MARK4: variants seen among roughly 807,000 people sequenced by gnomAD.
The protein encoded by MARK4 is microtubule affinity regulating kinase 4.
A neutral mutation model predicts 81.5 loss-of-function variants in MARK4; 19 were observed. That is an observed-to-expected ratio of 0.23 (90% CI 0.16 to 0.34). MARK4 has a LOEUF of 0.34. Among genes scored for constraint, MARK4 ranks in the 10% least tolerant of loss-of-function variants. The pLI is 1.00. For synonymous variants in MARK4, 436 were observed against 439.0 expected, an observed-to-expected ratio of 0.99 and a Z score of 0.08; for missense variants, 772 against 1,058.8, an observed-to-expected ratio of 0.73 and a Z score of 3.76.
At chr19:45,298,074 CTCGTT>C in intron 15 of MARK4, 120 bp downstream of exon 15, 2 of 1,490,396 alleles carry the variant, frequency 1.3e-6, no homozygotes, top group Non-Finnish European at 1.9e-6. Flanking sequence ...CCTCCTCCTC[CTCGTT>C]TCCTCCTCCT....
intron 1 of MARK4, among the ~76,000 whole-genome samples, chr19:45,251,931 C>T (rs541137286): frequency 3.3e-5 from 5 of 151,920 alleles, no homozygotes; most frequent in Admixed American, 2.6e-4. Context: ...TTCCAGGAGC[C>T]CCTCCCTTCT....
chr19:45,301,835 A>C (rs1210694858), intron 16 of MARK4, among the ~76,000 whole-genome samples: 1 of 149,548 alleles, frequency 6.7e-6, no homozygotes, highest in Non-Finnish European at 1.5e-5. Flanking sequence ...ATTGCACTCC[A>C]GCCTGGGTAA....
chr19:45,285,536 C>T (rs529029439), intron 12 of MARK4, among the ~76,000 whole-genome samples: 1 of 152,234 alleles, frequency 6.6e-6, no homozygotes, highest in Admixed American at 6.5e-5. Flanking sequence ...GCCCTACCCC[C>T]ACCATTGCTG....
At chr19:45,261,270 G>C (rs1193994344) in intron 2 of MARK4, among the ~76,000 whole-genome samples, 8 of 152,130 alleles carry the variant, frequency 5.3e-5, no homozygotes, top group Admixed American at 5.2e-4. Context: ...AAAATTACAG[G>C]CCAATCTGGT....
At chr19:45,270,556 AATAGTGATATTAC>A (rs1327972082) in intron 7 of MARK4, among the ~76,000 whole-genome samples, 1 of 152,164 alleles carries the variant, frequency 6.6e-6, no homozygotes, top group Non-Finnish European at 1.5e-5. Flanking sequence ...CACATGGGGT[AATAGTGATATTAC>A]ATAGTACTCG....
At chr19:45,270,036 C>G (rs1440325132) in intron 7 of MARK4, among the ~76,000 whole-genome samples, 2 of 152,074 alleles carry the variant, frequency 1.3e-5, no homozygotes, top group African/African-American at 4.8e-5. Context: ...CCATGTTGCC[C>G]AAGCTAGTCT....
chr19:45,268,327 C>T (rs995705123), intron 7 of MARK4, among the ~76,000 whole-genome samples: 2 of 151,654 alleles, frequency 1.3e-5, no homozygotes, highest in African/African-American at 4.8e-5. Flanking sequence ...TGGCTCTCAC[C>T]TGTCCCAGCA....
chr19:45,287,507 A>C lies in MARK4; in HGVS notation c.1337A>C (p.Glu446Ala). The C allele has an allele frequency of 6.5e-7, 1 of 1,543,312 alleles. No homozygotes were observed. Among genetic ancestry groups the C allele is most frequent in the Non-Finnish European group, 8.8e-7 (1 of 1,141,558 alleles). ...AGCCCGACGAGCACGGGGGAGGCGG[A>C]GCTGAAGGAGGAGCGGCTGCCAGGC... Reference protein sequence around the residue: ...KRSPTSTGEAELKEERLPGRK... With the variant: ...KRSPTSTGEAALKEERLPGRK... The change falls in exon 13 of 17, where the codon GAG (glutamate) becomes GCG (alanine). Residue 446 changes from glutamate (E) to alanine (A), a missense_variant. This residue lies in a region of MARK4 where 548 missense variants were observed against 624.3 expected (regional missense o/e 0.88). Coordinates refer to ENST00000262891, the MANE Select transcript of MARK4 (RefSeq NM_001199867.2).
chr19:45,281,367 C>CTTTTTTT (rs71173137), intron 12 of MARK4, among the ~76,000 whole-genome samples: 45,149 of 131,308 alleles, frequency 0.34, 8,468 homozygotes, highest in African/African-American at 0.41. Context: ...TCTTTTCTTT[C>CTTTTTTT]TTTTTTTTTT....
chr19:45,289,835 G>A (rs1311667227), intron 13 of MARK4, among the ~76,000 whole-genome samples: 1 of 151,882 alleles, frequency 6.6e-6, no homozygotes, highest in African/African-American at 2.4e-5. Flanking sequence ...GGTGGCTCAC[G>A]CCTGTAATTC....
At chr19:45,252,549 G>A (rs543619098) in intron 1 of MARK4, among the ~76,000 whole-genome samples, 6 of 128,448 alleles carry the variant, frequency 4.7e-5, no homozygotes, top group South Asian at 5.1e-4. Context: ...ACAAACCACC[G>A]TCCTTTCTCC....
intron 4 of MARK4, 102 bp from the exon 5 acceptor site, chr19:45,264,582 T>TG (rs1178695590): frequency 9.3e-7 from 1 of 1,071,596 alleles, no homozygotes; most frequent in African/African-American, 1.6e-5. Flanking sequence ...AGTGTTGAGT[T>TG]GGGGTGGGGG....
chr19:45,277,877 TGGG>T (rs775839353), intron 8 of MARK4, 43 bp from the exon 9 acceptor site: 2 of 1,508,558 alleles, frequency 1.3e-6, no homozygotes, highest in South Asian at 2.5e-5. Context: ...GTGTAATAGG[TGGG>T]GGGCGGGGCA....
chr19:45,261,343 G>T (rs1329926508), intron 2 of MARK4, among the ~76,000 whole-genome samples: 1 of 152,170 alleles, frequency 6.6e-6, no homozygotes, highest in Non-Finnish European at 1.5e-5. Context: ...ATCAATTAAA[G>T]AAAGCTGTGT....
intron 8 of MARK4, among the ~76,000 whole-genome samples, chr19:45,273,456 G>A (rs1970557966): frequency 6.6e-6 from 1 of 152,106 alleles, no homozygotes; most frequent in Non-Finnish European, 1.5e-5. Context: ...TGGCCTCTAC[G>A]CCATGGCCCA....
chr19:45,298,321 GGGTCTGTGCGT>G (rs67478565), intron 15 of MARK4: 490,609 of 1,257,272 alleles, frequency 0.39, 100,463 homozygotes, highest in African/African-American at 0.62. Context: ...GTGGATGTGA[GGGTCTGTGCGT>G]GGGGTCTGGT....
chr19:45,271,438 TC>T lies in MARK4; in HGVS notation c.550-31del. ...GTCCATGAAAGGCTTTGGCCTTGAG[TC>T]CCACTTTCCGCCCTCTCCTTCTCTC... On this transcript the variant is annotated intron_variant, in intron 7 of 16. Coordinates refer to ENST00000262891, the MANE Select transcript of MARK4 (RefSeq NM_001199867.2). This position sits in a 1 kb window ranked among gnomAD's most constrained non-coding sequence, Gnocchi z 4.1. 1 of 1,602,564 alleles carries T rather than the reference TC, an allele frequency of 6.2e-7. No homozygotes were observed. Among genetic ancestry groups the T allele is most frequent in the South Asian group, 1.1e-5 (1 of 89,636 alleles).
intron 16 of MARK4, among the ~76,000 whole-genome samples, chr19:45,301,557 C>CAAAAAAAAAAAAA (rs10630193): frequency 2.0e-5 from 1 of 49,520 alleles, no homozygotes; most frequent in Non-Finnish European, 3.4e-5. Flanking sequence ...AACTCTGTCT[C>CAAAAAAAAAAAAA]AAAAAAAAAA....
chr19:45,268,990 G>C (rs1397690723), intron 7 of MARK4, among the ~76,000 whole-genome samples: 1 of 152,084 alleles, frequency 6.6e-6, no homozygotes, highest in Non-Finnish European at 1.5e-5. Flanking sequence ...CACGAGTTTT[G>C]GGGTCGTATT....
Sources: allele counts gnomAD v4.1 joint callset (sites outside exome capture counted in the v4.1 genomes callset), GRCh38; gene constraint gnomAD v4.1.1; regional missense constraint gnomAD v4.1.1; non-coding constraint Gnocchi (gnomAD v3.1); transcripts MANE v1.5; gene names NCBI Gene and HGNC (gene_info 2026-07-23, HGNC 2026-07-21).